ZFAND3: variants seen among roughly 807,000 people sequenced by gnomAD.
ZFAND3 encodes the protein AN1-type zinc finger protein 3.
A neutral mutation model predicts 29.6 loss-of-function variants in ZFAND3; 10 were observed. The observed-to-expected ratio is 0.34, with a 90% CI of 0.21 to 0.57. The LOEUF is 0.57. Ranked by LOEUF, ZFAND3 falls within the 20% of genes least tolerant of loss-of-function variation. The pLI is 0.86. For missense variants in ZFAND3, 230 were observed against 304.5 expected, an observed-to-expected ratio of 0.76 and a Z score of 1.82; for synonymous variants, 128 against 112.6, an observed-to-expected ratio of 1.14 and a Z score of -0.87.
intron 3 of ZFAND3, among the ~76,000 whole-genome samples, chr6:38,081,943 T>C (rs1442731784): frequency 6.6e-6 from 1 of 152,118 alleles, no homozygotes; most frequent in Non-Finnish European, 1.5e-5. Context: ...CCCCCTCCCC[T>C]TATTATGTAA....
intron 1 of ZFAND3, among the ~76,000 whole-genome samples, chr6:37,888,903 T>C (rs534098563): frequency 1.3e-5 from 2 of 152,344 alleles, no homozygotes; most frequent in South Asian, 4.1e-4. Context: ...GCTGCAGCAG[T>C]ATAAAATTAC....
At chr6:37,986,471 T>C (rs1762673162) in intron 2 of ZFAND3, among the ~76,000 whole-genome samples, 1 of 152,184 alleles carries the variant, frequency 6.6e-6, no homozygotes, top group South Asian at 2.1e-4. Flanking sequence ...GTACCTGCTG[T>C]GCAAAGAAAC....
intron 1 of ZFAND3, among the ~76,000 whole-genome samples, chr6:37,881,510 T>G (rs1255844284): frequency 1.3e-5 from 2 of 152,158 alleles, no homozygotes; most frequent in Non-Finnish European, 2.9e-5. Flanking sequence ...GGAGGTAGGA[T>G]TGCTGCTGGA....
chr6:37,852,717 CTTTTT>C (rs957782122), intron 1 of ZFAND3, among the ~76,000 whole-genome samples: 1 of 138,260 alleles, frequency 7.2e-6, no homozygotes, highest in East Asian at 2.1e-4. Flanking sequence ...TTTTTCTTTT[CTTTTT>C]TTTTTTTTTT....
intron 2 of ZFAND3, among the ~76,000 whole-genome samples, chr6:37,987,841 T>C (rs923817990): frequency 6.6e-6 from 1 of 152,228 alleles, no homozygotes; most frequent in African/African-American, 2.4e-5. Context: ...TGGTCTCAGC[T>C]GCCCTTTCTT....
At chr6:37,904,434 T>TA (rs144186911) in intron 1 of ZFAND3, among the ~76,000 whole-genome samples, 1 of 152,282 alleles carries the variant, frequency 6.6e-6, no homozygotes, top group Non-Finnish European at 1.5e-5. Flanking sequence ...AATGTTTTCT[T>TA]ACTACCAATT....
chr6:38,055,719 A>G (rs1406368553), intron 2 of ZFAND3, among the ~76,000 whole-genome samples: 1 of 152,172 alleles, frequency 6.6e-6, no homozygotes, highest in African/African-American at 2.4e-5. Context: ...TCTCATCTCT[A>G]CTTACTGATT....
intron 4 of ZFAND3, among the ~76,000 whole-genome samples, chr6:38,093,023 A>G (rs73730877): frequency 0.033 from 4,974 of 152,300 alleles, 221 homozygotes; most frequent in African/African-American, 0.096. Context: ...AGCCTAATAC[A>G]TGCTAATCCC....
intron 2 of ZFAND3, among the ~76,000 whole-genome samples, chr6:37,945,043 C>T (rs1221421211): frequency 6.6e-6 from 1 of 152,118 alleles, no homozygotes; most frequent in Non-Finnish European, 1.5e-5. Context: ...TATGGGTGCT[C>T]CCGGAACTGT....
At chr6:38,131,868 A>G (rs1392497203) in intron 5 of ZFAND3, among the ~76,000 whole-genome samples, 1 of 152,238 alleles carries the variant, frequency 6.6e-6, no homozygotes, top group Non-Finnish European at 1.5e-5. Context: ...CTTTTGGAAC[A>G]GTGTTTGAAA....
chr6:38,140,183 A>G (rs2127494822), intron 5 of ZFAND3, among the ~76,000 whole-genome samples: 1 of 152,334 alleles, frequency 6.6e-6, no homozygotes, highest in Non-Finnish European at 1.5e-5. Flanking sequence ...ATAATTGAAT[A>G]CACAGATATG....
chr6:38,028,408 A>G (rs1032717313), intron 2 of ZFAND3, among the ~76,000 whole-genome samples: 9 of 151,400 alleles, frequency 5.9e-5, no homozygotes, highest in African/African-American at 2.2e-4. Flanking sequence ...GTTTTTAGAA[A>G]TACTCTATTC....
chr6:37,848,793 A>AT lies in ZFAND3; in HGVS notation c.71+28786dup, dbSNP rs764293008. ...TCTTTATGTTTTTTTCTTCCTCAAA[A>AT]TTTTTTTTTAACAATGTTTGGTGTC... On this transcript the variant is annotated intron_variant, in intron 1 of 5. Coordinates refer to ENST00000287218, the MANE Select transcript of ZFAND3 (RefSeq NM_021943.3). 3.0e-3 allele frequency among the ~76,000 whole-genome samples: 461 copies of AT among 151,614 alleles called. 1 individual carries two copies. The highest frequency in any genetic ancestry group is 6.4e-3 in the African/African-American group (263 of 41,280).
At chr6:38,002,968 T>C (rs1335162780) in intron 2 of ZFAND3, 1 of 152,672 alleles carries the variant, frequency 6.5e-6, no homozygotes, top group Non-Finnish European at 1.5e-5. Flanking sequence ...AATGCCACAC[T>C]TGGACAGAAT....
At chr6:37,908,542 T>TAAAAAAAAA (rs70981504) in intron 1 of ZFAND3, among the ~76,000 whole-genome samples, 121 of 124,020 alleles carry the variant, frequency 9.8e-4, no homozygotes, top group South Asian at 2.7e-3. Flanking sequence ...AAAAAAAAAT[T>TAAAAAAAAA]AAAAAAAAAA....
intron 2 of ZFAND3, among the ~76,000 whole-genome samples, chr6:37,983,500 C>T (rs1006045687): frequency 6.6e-5 from 10 of 151,956 alleles, no homozygotes; most frequent in African/African-American, 2.4e-4. Flanking sequence ...GCTGGGATTA[C>T]AGGCATGAAC....
intron 2 of ZFAND3, among the ~76,000 whole-genome samples, chr6:37,950,217 G>C (rs1160317928): frequency 1.3e-5 from 2 of 151,318 alleles, no homozygotes; most frequent in Non-Finnish European, 2.9e-5. Context: ...TTTTCTTCTG[G>C]GTTTTCATAG....
chr6:38,019,998 G>A (rs2127447112), intron 2 of ZFAND3, among the ~76,000 whole-genome samples: 1 of 152,312 alleles, frequency 6.6e-6, no homozygotes, highest in East Asian at 1.9e-4. Context: ...GGGATTACAG[G>A]CGTGAGCCAC....
At chr6:38,112,272 C>A (rs1765335337) in intron 4 of ZFAND3, among the ~76,000 whole-genome samples, 1 of 152,046 alleles carries the variant, frequency 6.6e-6, no homozygotes, top group South Asian at 2.1e-4. Context: ...AGATTATGTT[C>A]TCAAGTAAAA....
Sources: gnomAD v4.1 joint callset for allele counts (sites outside exome capture counted in the v4.1 genomes callset) on GRCh38, gnomAD v4.1.1 for gene constraint, MANE v1.5 for transcripts, NCBI Gene and HGNC (gene_info 2026-07-23, HGNC 2026-07-21) for gene names.